YTHDF1: variants seen among roughly 807,000 people sequenced by gnomAD.
The protein encoded by YTHDF1 is YTH domain-containing family protein 1.
In YTHDF1, 16 loss-of-function variants were observed where a neutral mutation model predicts 49.1. The observed-to-expected ratio is 0.33, with a 90% CI of 0.22 to 0.49. The LOEUF (loss-of-function observed/expected upper bound fraction) is 0.49, where lower values mean the gene tolerates loss of function less well. YTHDF1 is among the 20% of genes least tolerant of loss of function. The probability of loss-of-function intolerance (pLI) is 0.99; values close to 1 mark genes in which losing one functional copy is unlikely to be tolerated. For missense variants in YTHDF1, 621 were observed against 744.3 expected (o/e 0.83, Z 1.93); for synonymous variants, 313 against 290.1 (o/e 1.08, Z -0.80).
chr20:63,211,497 C>T (rs1437431925), intron 3 of YTHDF1, among the ~76,000 whole-genome samples: 1 of 152,090 alleles, frequency 6.6e-6, no homozygotes, highest in Non-Finnish European at 1.5e-5. Context: ...TTGATATGCC[C>T]ACTATCTTAA....
In YTHDF1 at chr20:63,216,042, G is replaced by A; in HGVS notation, c.-150C>T. ...GGCGGCGGCGGCGGCTGCTGGGCGC[G>A]CGGGCCCCTGGCGAGGCGGCAGCGG... On this transcript the variant is annotated 5_prime_UTR_variant, in exon 1 of 5. Coordinates refer to ENST00000370339, the MANE Select transcript of YTHDF1 (RefSeq NM_017798.4). The A allele has an allele frequency of 1.8e-6, 1 of 570,518 alleles. No individual in the cohort carries two copies. The highest frequency in any genetic ancestry group is 2.2e-6 in the Non-Finnish European group (1 of 451,938). 35.3% of individuals were successfully genotyped at this position (570,518 alleles called of 1,614,324 possible). A position where few individuals can be genotyped will look rare whatever the true frequency, so the allele number is the denominator to read the frequency against.
intron 3 of YTHDF1, among the ~76,000 whole-genome samples, chr20:63,204,079 A>G (rs2066533288): frequency 6.6e-6 from 1 of 152,232 alleles, no homozygotes; most frequent in Non-Finnish European, 1.5e-5. Flanking sequence ...ATGCCTCTCT[A>G]GAACTGGCAA....
chr20:63,197,058 T>C (rs1352939321), intron 4 of YTHDF1, among the ~76,000 whole-genome samples: 1 of 152,180 alleles, frequency 6.6e-6, no homozygotes, highest in Non-Finnish European at 1.5e-5. Context: ...TCATTCCACA[T>C]GGAAAGACAC....
intron 3 of YTHDF1, among the ~76,000 whole-genome samples, chr20:63,213,613 T>C (rs2066586623): frequency 6.6e-6 from 1 of 152,050 alleles, no homozygotes; most frequent in South Asian, 2.1e-4. Context: ...CCACAAACAC[T>C]AGAGCCAACT....
chr20:63,204,171 T>A (rs1351359748), intron 3 of YTHDF1, among the ~76,000 whole-genome samples: 2 of 152,212 alleles, frequency 1.3e-5, no homozygotes, highest in African/African-American at 4.8e-5. Context: ...ACAACGCTTA[T>A]GACAGACACG....
chr20:63,208,640 C>T (rs945318666), intron 3 of YTHDF1, among the ~76,000 whole-genome samples: 8 of 152,198 alleles, frequency 5.3e-5, no homozygotes, highest in African/African-American at 1.7e-4. Context: ...CTTCCAGCTG[C>T]GTTTCTGGGA....
chr20:63,199,016 G>C (rs2066505234), intron 4 of YTHDF1, among the ~76,000 whole-genome samples: 1 of 152,198 alleles, frequency 6.6e-6, no homozygotes, highest in South Asian at 2.1e-4. Context: ...TTTATAGCTG[G>C]ACAGCAATCT....
Position 63,215,884 on chromosome 20 carries a change from G to A in YTHDF1, c.9C>T (p.Ala3=). 2.1e-6 allele frequency: 3 copies of A among 1,448,616 alleles called. No homozygotes were observed. Among genetic ancestry groups the A allele is most frequent in the Non-Finnish European group, 2.7e-6 (3 of 1,100,164 alleles). 89.7% of individuals were successfully genotyped at this position (1,448,616 alleles called of 1,614,324 possible). MS[A]TSVDTQRTKG... is the part of the protein sequence containing the mutation. The stretch of plus-strand genomic sequence containing the variant: ...CCGCTACCTGGGTGTCCACGCTGGT[G>A]GCCGACATGCTTCATGAACAACTAG... The change falls in exon 1 of 5, where the codon GCC becomes GCT. Residue 3 remains alanine (A), a synonymous_variant. Transcript: ENST00000370339.
intron 3 of YTHDF1, among the ~76,000 whole-genome samples, chr20:63,212,599 G>A (rs1484355732): frequency 6.6e-6 from 1 of 152,226 alleles, no homozygotes; most frequent in Non-Finnish European, 1.5e-5. Context: ...CCAAGCCAAC[G>A]GCCTGGAGGT....
intron 3 of YTHDF1, among the ~76,000 whole-genome samples, chr20:63,204,681 T>A (rs937189654): frequency 6.6e-6 from 1 of 152,164 alleles, no homozygotes; most frequent in African/African-American, 2.4e-5. Flanking sequence ...AGAGTGGTTT[T>A]AAAGTGACGG....
At chr20:63,201,249 T>G (rs1601232103) in intron 4 of YTHDF1, among the ~76,000 whole-genome samples, 1 of 152,290 alleles carries the variant, frequency 6.6e-6, no homozygotes, top group South Asian at 2.1e-4. Flanking sequence ...TCCCTATATA[T>G]GCCATGTACA....
chr20:63,203,716 C>CATTG lies in YTHDF1; in HGVS notation c.223_224insCAAT (p.Trp75SerfsTer21). ...AATCGGAGGGTCCCCTGCAGTAGAC[C>CATTG]ACGGAGCCTCATTGAGGGAGTAAGG... On this transcript the variant is annotated frameshift_variant, in exon 4 of 5. Coordinates refer to ENST00000370339, the MANE Select transcript of YTHDF1 (RefSeq NM_017798.4). LOFTEE classifies it high-confidence loss of function. This position sits in a 1 kb window ranked among gnomAD's most constrained non-coding sequence, Gnocchi z 4.4. The CATTG allele has an allele frequency of 6.2e-7, 1 of 1,614,128 alleles. No individual in the cohort carries two copies. The highest frequency in any genetic ancestry group is 8.5e-7 in the Non-Finnish European group (1 of 1,180,030).
At chr20:63,204,585 C>G (rs934688745) in intron 3 of YTHDF1, among the ~76,000 whole-genome samples, 40 of 152,200 alleles carry the variant, frequency 2.6e-4, no homozygotes, top group African/African-American at 9.6e-4. Flanking sequence ...ACTCTGTGCT[C>G]CGGGTGCAGA....
chr20:63,213,806 G>T, intron 3 of YTHDF1, 58 bp downstream of exon 3: 1 of 1,442,456 alleles, frequency 6.9e-7, no homozygotes, highest in South Asian at 1.2e-5. Flanking sequence ...TGACAGTAAA[G>T]GTACAAAACA....
chr20:63,199,688 G>A (rs763467106), intron 4 of YTHDF1, among the ~76,000 whole-genome samples: 10 of 152,174 alleles, frequency 6.6e-5, no homozygotes, highest in Admixed American at 6.5e-4. Context: ...CGCAGGCAGG[G>A]AGAGCCAGCA....
intron 1 of YTHDF1, 109 bp downstream of exon 1, chr20:63,215,757 G>T: frequency 7.3e-7 from 1 of 1,369,768 alleles, no homozygotes; most frequent in Non-Finnish European, 9.4e-7. Context: ...CCCCGGTCCC[G>T]CCTGGGCCCG....
At position 63,202,521 on chromosome 20, in the gene YTHDF1, C is replaced by A; in HGVS notation, c.1419G>T (p.Lys473Asn). 5 of 1,614,238 alleles carry A rather than the reference C, an allele frequency of 3.1e-6. No individual in the cohort carries two copies. The highest frequency in any genetic ancestry group is 1.1e-5 in the South Asian group (1 of 91,090). The part of the protein sequence containing the change: ...GVWSQDKWKG[K>N]FDVQWIFVKD... ...TAACAAAAATCCACTGGACATCAAA[C>A]TTCCCCTTCCACTTGTCCTGAGACC... Residue 473 changes from lysine to asparagine, a missense_variant, in exon 4 of 5, where the codon AAG becomes AAT. By Grantham distance (94) the Lys-to-Asn change is moderately conservative (BLOSUM62 0). Around this residue, in one of 2 missense-constraint regions of YTHDF1, gnomAD observed 151 missense variants for 248.5 expected, o/e 0.61. Transcript: ENST00000370339.
At chr20:63,215,471 T>C (rs943310119) in intron 2 of YTHDF1, 106 bp downstream of exon 2, 1 of 1,488,258 alleles carries the variant, frequency 6.7e-7, no homozygotes, top group Non-Finnish European at 9.3e-7. Flanking sequence ...TCCCTGAAGC[T>C]GGCGGAAGAG....
At position 63,211,117 on chromosome 20, in the gene YTHDF1, C is replaced by CA. The variant is rs56915281; in HGVS notation, c.132+2746_132+2747insT. Among the ~76,000 whole-genome samples the CA allele has an allele frequency of 1.2e-3, 182 of 152,114 alleles. No homozygotes were observed. The East Asian group carries it at 0.028, about 24-fold the overall frequency. ...AAGTATGACAGTTTCACACAAAACA[C>CA]GGTAGCCTCCAACTGGCTACTACAA... On this transcript the variant is annotated intron_variant, in intron 3 of 4. Coordinates refer to ENST00000370339, the MANE Select transcript of YTHDF1 (RefSeq NM_017798.4).
Sources: allele counts gnomAD v4.1 joint callset (sites outside exome capture counted in the v4.1 genomes callset), GRCh38; gene constraint gnomAD v4.1.1; regional missense constraint gnomAD v4.1.1; non-coding constraint Gnocchi (gnomAD v3.1); transcripts MANE v1.5; gene names NCBI Gene and HGNC (gene_info 2026-07-23, HGNC 2026-07-21).